Variants in NKAIN3 observed in about 807,000 individuals in gnomAD.
NKAIN3 encodes the protein sodium/potassium transporting ATPase interacting 3.
Under a neutral mutation model 30.2 loss-of-function variants are expected in NKAIN3, and 25 were observed. That is an observed-to-expected ratio of 0.83 (90% confidence interval 0.60 to 1.16). NKAIN3 has a LOEUF of 1.16. NKAIN3 is among the 50% of genes most tolerant of loss of function. The pLI, the probability that NKAIN3 is intolerant of heterozygous loss-of-function variation, is 0.00. For synonymous variants in NKAIN3, 91 were observed against 89.6 expected (o/e 1.02, Z -0.09); for missense variants, 225 against 254.1 (o/e 0.89, Z 0.78).
intron 3 of NKAIN3, among the ~76,000 whole-genome samples, chr8:62,647,090 G>C (rs1812482790): frequency 6.6e-6 from 1 of 152,076 alleles, no homozygotes; most frequent in Non-Finnish European, 1.5e-5. Flanking sequence ...GACAAACGTT[G>C]AGATTCATAA....
intron 5 of NKAIN3, among the ~76,000 whole-genome samples, chr8:62,927,851 A>T (rs1822496856): frequency 6.6e-6 from 1 of 152,250 alleles, no homozygotes; most frequent in South Asian, 2.1e-4. Flanking sequence ...ATGTTTTTAA[A>T]GTAAGACCAG....
intron 1 of NKAIN3, among the ~76,000 whole-genome samples, chr8:62,501,886 G>A (rs942996460): frequency 6.6e-6 from 1 of 152,182 alleles, no homozygotes; most frequent in African/African-American, 2.4e-5. Flanking sequence ...TATGCTAAGT[G>A]ATGAGTCATG....
chr8:62,847,954 GT>G (rs1310945793), intron 4 of NKAIN3, among the ~76,000 whole-genome samples: 1 of 152,082 alleles, frequency 6.6e-6, no homozygotes, highest in Non-Finnish European at 1.5e-5. Flanking sequence ...CCCATTGCTT[GT>G]TTTTGTCAGG....
chr8:62,639,951 C>G (rs1812254932), intron 3 of NKAIN3, among the ~76,000 whole-genome samples: 1 of 152,066 alleles, frequency 6.6e-6, no homozygotes, highest in African/African-American at 2.4e-5. Context: ...TATAGTAGGA[C>G]TTCTAAGCTT....
rs59610407 is a variant in NKAIN3 at position 62,555,011 on chromosome 8, T to TACACACACACACAC, written c.55-24496_55-24483dup. On this transcript the variant is annotated intron_variant, in intron 1 of 6. Transcript: ENST00000623646. ...ATGCTGTCACAAATGGCAGAATCTA[T>TACACACACACACAC]ACACACACACACACACACACACACA... Among the ~76,000 whole-genome samples the TACACACACACACAC allele has an allele frequency of 2.8e-3, 404 of 145,006 alleles. 2 individuals are homozygous for TACACACACACACAC. The highest frequency in any genetic ancestry group is 9.4e-3 in the African/African-American group (367 of 39,016).
Position 62,980,700 on chromosome 8 carries a change from T to C in NKAIN3, c.*15293T>C, listed in dbSNP as rs1167536547. The stretch of plus-strand genomic sequence containing the variant: ...AGAAAAAAATATTCCTTGTACATGA[T>C]ATTTTTAGGCAAAACATAATGTCTG... On this transcript the variant is annotated 3_prime_UTR_variant, in exon 7 of 7. Transcript: ENST00000623646. 6.6e-6 allele frequency: 1 copy of C among 152,226 alleles called. No individual in the cohort carries two copies. The highest frequency in any genetic ancestry group is 1.5e-5 in the Non-Finnish European group (1 of 68,040). 9.4% of individuals were successfully genotyped at this position (152,226 alleles called of 1,614,324 possible).
chr8:62,366,252 A>C (rs573112559), intron 1 of NKAIN3, among the ~76,000 whole-genome samples: 1 of 142,676 alleles, frequency 7.0e-6, no homozygotes, highest in South Asian at 2.2e-4. Context: ...ATTGAGGTGG[A>C]GTCTCACTCT....
At chr8:62,945,097 C>A (rs575221767) in intron 5 of NKAIN3, among the ~76,000 whole-genome samples, 82 of 152,194 alleles carry the variant, frequency 5.4e-4, no homozygotes, top group African/African-American at 1.9e-3. Context: ...CATATAAGAG[C>A]AGACAAAAAT....
chr8:62,444,562 A>T (rs1805424885), intron 1 of NKAIN3, among the ~76,000 whole-genome samples: 1 of 152,154 alleles, frequency 6.6e-6, no homozygotes, highest in Admixed American at 6.5e-5. Context: ...ATTATTTTGT[A>T]TGTCTTAGTA....
Position 62,855,787 on chromosome 8 carries a change from C to T in NKAIN3, c.472-62666C>T. ...TCAGTAAAGGGCATCTTCCTTTTAT[C>T]ATCAGCAAAGAGTAAAAAGACAAGC... is the stretch of plus-strand genomic sequence containing the variant. On this transcript the variant is annotated intron_variant, in intron 4 of 6. Transcript: ENST00000623646. 4.7e-6 allele frequency: 5 copies of T among 1,064,908 alleles called. No homozygotes were observed. The East Asian group carries it at 1.2e-4, about 25-fold the overall frequency. 66.0% of individuals were successfully genotyped at this position (1,064,908 alleles called of 1,614,324 possible). A position where few individuals can be genotyped will look rare whatever the true frequency, so the allele number is the denominator to read the frequency against.
chr8:62,394,327 C>G (rs1459226992), intron 1 of NKAIN3, among the ~76,000 whole-genome samples: 5 of 151,928 alleles, frequency 3.3e-5, no homozygotes, highest in Admixed American at 3.3e-4. Flanking sequence ...CAGTTTTTCT[C>G]TTTATTACAT....
intron 4 of NKAIN3, among the ~76,000 whole-genome samples, chr8:62,852,119 G>A (rs747954833): frequency 3.9e-5 from 6 of 152,084 alleles, no homozygotes; most frequent in Admixed American, 3.3e-4. Flanking sequence ...ATTAATTGTT[G>A]CCTCAATTTC....
chr8:62,302,628 T>C (rs1280198625), intron 1 of NKAIN3, among the ~76,000 whole-genome samples: 1 of 152,046 alleles, frequency 6.6e-6, no homozygotes, highest in South Asian at 2.1e-4. Flanking sequence ...TTTCTTGTAG[T>C]GCCAGGACAT....
At chr8:62,634,919 A>C (rs982792631) in intron 3 of NKAIN3, among the ~76,000 whole-genome samples, 1 of 152,170 alleles carries the variant, frequency 6.6e-6, no homozygotes, top group Non-Finnish European at 1.5e-5. Context: ...GAAAAAAGAC[A>C]GAAAGAAAAC....
chr8:62,411,238 G>C (rs1804227886), intron 1 of NKAIN3, among the ~76,000 whole-genome samples: 1 of 152,036 alleles, frequency 6.6e-6, no homozygotes, highest in African/African-American at 2.4e-5. Context: ...ATGCAAGGCT[G>C]GTTTAACATA....
At chr8:62,933,303 A>G (rs1399869884) in intron 5 of NKAIN3, among the ~76,000 whole-genome samples, 1 of 152,216 alleles carries the variant, frequency 6.6e-6, no homozygotes, top group Non-Finnish European at 1.5e-5. Flanking sequence ...TTCAAAACGG[A>G]AATGTCCAAA....
intron 1 of NKAIN3, among the ~76,000 whole-genome samples, chr8:62,375,247 C>T (rs1817037409): frequency 6.6e-6 from 1 of 152,208 alleles, no homozygotes; most frequent in African/African-American, 2.4e-5. Context: ...GGCCTATATT[C>T]TTCACATAGT....
At position 62,609,081 on chromosome 8, in the gene NKAIN3, C is replaced by A. The variant is rs140940883; in HGVS notation, c.273+19287C>A. ...CTGTGATAGGTTTACACCTGAGCAGCCTCTTGCTGCTCAGGTCAGGCTATA... is the reference window on the plus strand; with the variant it reads ...CTGTGATAGGTTTACACCTGAGCAGACTCTTGCTGCTCAGGTCAGGCTATA... On this transcript the variant is annotated intron_variant, in intron 3 of 6. Coordinates refer to ENST00000623646, the MANE Select transcript of NKAIN3 (RefSeq NM_001304533.3). Among the ~76,000 whole-genome samples, 573 of 152,198 alleles carry A rather than the reference C, an allele frequency of 3.8e-3. 2 individuals are homozygous for A. The highest frequency in any genetic ancestry group is 0.013 in the African/African-American group (553 of 41,556).
At chr8:62,436,197 C>A (rs1470439404) in intron 1 of NKAIN3, among the ~76,000 whole-genome samples, 1 of 152,130 alleles carries the variant, frequency 6.6e-6, no homozygotes, top group African/African-American at 2.4e-5. Context: ...CAGTATTTCT[C>A]TATTCTCACT....
Sources: allele counts gnomAD v4.1 joint callset (sites outside exome capture counted in the v4.1 genomes callset), GRCh38; gene constraint gnomAD v4.1.1; transcripts MANE v1.5; gene names NCBI Gene and HGNC (gene_info 2026-07-23, HGNC 2026-07-21).